The following CHRM3 variants were observed in gnomAD, a reference collection of about 807,000 sequenced individuals.
The protein encoded by CHRM3 is muscarinic acetylcholine receptor M3.
A neutral mutation model predicts 41.8 loss-of-function variants in CHRM3; 11 were observed. That is an observed-to-expected ratio of 0.26 (90% confidence interval 0.17 to 0.44). The LOEUF is 0.44. CHRM3 is among the 20% of genes least tolerant of loss of function. The pLI is 1.00. For missense variants in CHRM3, 571 were observed against 745.4 expected (o/e 0.77, Z 2.72); for synonymous variants, 297 against 301.4 (o/e 0.99, Z 0.15).
At chr1:239,865,120 C>T (rs866694172) in intron 6 of CHRM3, among the ~76,000 whole-genome samples, 1 of 152,116 alleles carries the variant, frequency 6.6e-6, no homozygotes, top group Non-Finnish European at 1.5e-5. Flanking sequence ...ATTCACACCA[C>T]GGCATGTAAT....
intron 6 of CHRM3, among the ~76,000 whole-genome samples, chr1:239,895,283 G>C (rs12034276): frequency 0.082 from 12,384 of 151,840 alleles, 790 homozygotes; most frequent in South Asian, 0.26. Flanking sequence ...TCCCTCCCGA[G>C]TGCCACTGGG....
At chr1:239,772,212 G>T (rs537499179) in intron 5 of CHRM3, among the ~76,000 whole-genome samples, 2 of 152,098 alleles carry the variant, frequency 1.3e-5, no homozygotes, top group South Asian at 2.1e-4. Flanking sequence ...GTGCAATGGC[G>T]CAATCTCAGC....
At chr1:239,446,082 GTGCA>G (rs1558230192) in intron 1 of CHRM3, among the ~76,000 whole-genome samples, 5 of 152,032 alleles carry the variant, frequency 3.3e-5, no homozygotes, top group Non-Finnish European at 7.4e-5. Context: ...AACTACAGGT[GTGCA>G]CCACCACACC....
chr1:239,771,055 T>A (rs1308120471), intron 5 of CHRM3, among the ~76,000 whole-genome samples: 3 of 149,242 alleles, frequency 2.0e-5, no homozygotes, highest in Non-Finnish European at 4.4e-5. Context: ...CCTACTGCAC[T>A]CCAGCCTGGG....
At chr1:239,549,524 G>T (rs956965376) in intron 3 of CHRM3, among the ~76,000 whole-genome samples, 2 of 150,974 alleles carry the variant, frequency 1.3e-5, no homozygotes, top group Admixed American at 1.3e-4. Flanking sequence ...AGCCAGGTGT[G>T]GTGGCACACA....
At chr1:239,615,712 C>T (rs897765224) in intron 3 of CHRM3, among the ~76,000 whole-genome samples, 7 of 151,596 alleles carry the variant, frequency 4.6e-5, no homozygotes, top group Admixed American at 1.3e-4. Context: ...ATTGATGTCA[C>T]CCCAATATCT....
intron 1 of CHRM3, among the ~76,000 whole-genome samples, chr1:239,464,415 T>C (rs915919445): frequency 6.6e-6 from 1 of 152,156 alleles, no homozygotes; most frequent in African/African-American, 2.4e-5. Context: ...CTACCTCCTA[T>C]GGTGAACCTT....
chr1:239,635,055 G>A (rs1670310767), intron 4 of CHRM3, among the ~76,000 whole-genome samples: 2 of 152,202 alleles, frequency 1.3e-5, no homozygotes, highest in Non-Finnish European at 2.9e-5. Flanking sequence ...GAAACTAAGA[G>A]TGACCAGTTA....
chr1:239,772,764 G>T (rs1053881557), intron 5 of CHRM3, among the ~76,000 whole-genome samples: 1 of 152,018 alleles, frequency 6.6e-6, no homozygotes, highest in African/African-American at 2.4e-5. Context: ...AATAGCTTTT[G>T]CCCTGCTTTT....
At chr1:239,464,066 C>T (rs958756310) in intron 1 of CHRM3, among the ~76,000 whole-genome samples, 3 of 152,144 alleles carry the variant, frequency 2.0e-5, no homozygotes, top group East Asian at 1.9e-4. Flanking sequence ...CACTTGAGGT[C>T]GGGAGTTCAA....
At chr1:239,906,933 T>C (rs1680012511) in intron 6 of CHRM3, among the ~76,000 whole-genome samples, 1 of 152,218 alleles carries the variant, frequency 6.6e-6, no homozygotes, top group African/African-American at 2.4e-5. Context: ...CTTCTCCAGG[T>C]TGGCATTGCT....
chr1:239,599,237 A>G (rs1315858338), intron 3 of CHRM3, among the ~76,000 whole-genome samples: 1 of 152,124 alleles, frequency 6.6e-6, no homozygotes, highest in African/African-American at 2.4e-5. Context: ...TCCACAGGAC[A>G]CTTCTCCATC....
chr1:239,641,130 C>T (rs894610341), intron 4 of CHRM3, among the ~76,000 whole-genome samples: 33 of 152,062 alleles, frequency 2.2e-4, no homozygotes, highest in South Asian at 6.2e-4. Context: ...GTCTGAGAGA[C>T]AGTTTGTTAT....
At chr1:239,809,371 A>G (rs192726389) in intron 5 of CHRM3, among the ~76,000 whole-genome samples, 54 of 152,200 alleles carry the variant, frequency 3.5e-4, no homozygotes, top group African/African-American at 1.3e-3. Flanking sequence ...TTCTGAACCC[A>G]TAAGATTCCA....
chr1:239,524,752 C>G (rs544018279), intron 2 of CHRM3, among the ~76,000 whole-genome samples: 1 of 152,160 alleles, frequency 6.6e-6, no homozygotes, highest in South Asian at 2.1e-4. Flanking sequence ...TGAGCTGCAG[C>G]TTTTTTACCG....
At chr1:239,698,674 T>C (rs1660409305) in intron 5 of CHRM3, among the ~76,000 whole-genome samples, 1 of 152,208 alleles carries the variant, frequency 6.6e-6, no homozygotes, top group South Asian at 2.1e-4. Flanking sequence ...TATCAAAGGC[T>C]GATTTTCCCA....
At chr1:239,826,601 A>G (rs1259867327) in intron 5 of CHRM3, among the ~76,000 whole-genome samples, 1 of 152,214 alleles carries the variant, frequency 6.6e-6, no homozygotes, top group East Asian at 1.9e-4. Context: ...AATGAAAAGT[A>G]TCGGGAAAAG....
rs76914281 is a variant in CHRM3 at position 239,644,919 on chromosome 1, G to A, written c.-250+12633G>A. ...AAGACAGATAAGTGGGCCTACTTGA[G>A]ACAGCTTTCTTCAGCAGGAATTCCC... On this transcript the variant is annotated intron_variant, in intron 4 of 6. Coordinates refer to ENST00000676153, the MANE Select transcript of CHRM3 (RefSeq NM_001375978.1). Among the ~76,000 whole-genome samples the A allele has an allele frequency of 5.9e-5, 9 of 152,306 alleles. No homozygotes were observed. The East Asian group carries it at 1.7e-3, about 29-fold the overall frequency.
At chr1:239,581,351 TA>T (rs1389458333) in intron 3 of CHRM3, among the ~76,000 whole-genome samples, 1 of 151,398 alleles carries the variant, frequency 6.6e-6, no homozygotes, top group Non-Finnish European at 1.5e-5. Context: ...AGATCTTGTT[TA>T]CAGTCTCACA....
Sources: allele counts gnomAD v4.1 joint callset (sites outside exome capture counted in the v4.1 genomes callset), GRCh38; gene constraint gnomAD v4.1.1; transcripts MANE v1.5; gene names NCBI Gene and HGNC (gene_info 2026-07-23, HGNC 2026-07-21).